Variants in OR52N4 observed in about 807,000 individuals in gnomAD.
OR52N4 encodes the protein olfactory receptor family 52 subfamily N member 4.
In OR52N4, 15 loss-of-function variants were observed where a neutral mutation model predicts 15.0. The ratio of observed to expected loss-of-function variants is 1.00; its 90% confidence interval spans 0.67 to 1.54. The LOEUF (loss-of-function observed/expected upper bound fraction) is 1.54. Ranked by LOEUF, OR52N4 falls within the 40% of genes most tolerant of loss-of-function variation. The pLI, the probability that OR52N4 is intolerant of heterozygous loss-of-function variation, is 0.00. For missense variants in OR52N4, 421 were observed against 394.0 expected, an observed-to-expected ratio of 1.07 and a Z score of -0.58; for synonymous variants, 143 against 143.7, an observed-to-expected ratio of 1.00 and a Z score of 0.03.
At position 5,754,678 on chromosome 11, in the gene OR52N4, T is replaced by A; in HGVS notation, c.-48-15T>A. The A allele has an allele frequency of 6.7e-7, 1 of 1,482,250 alleles. No homozygotes were observed. The highest frequency in any genetic ancestry group is 9.0e-7 in the Non-Finnish European group (1 of 1,107,764). The allele number at this position is 1,482,250 out of a possible 1,614,324, so 91.8% of individuals were successfully genotyped here. On this transcript the variant is annotated splice_polypyrimidine_tract_variant and intron_variant, in intron 1 of 1. Coordinates refer to ENST00000641350, the MANE Select transcript of OR52N4 (RefSeq NM_001005175.5). ...AATAACCTATATTTTCTCTTGTTTT[T>A]TTTTTTAACTCTAGGAAAGCCCAGA...
the OR52N4 span, among the ~76,000 whole-genome samples, chr11:5,746,703 T>C: frequency 6.6e-6 from 1 of 152,092 alleles, no homozygotes; most frequent in Non-Finnish European, 1.5e-5. Flanking sequence ...AGCGGGAATG[T>C]AAATTAGGAA....
chr11:5,745,432 T>C, the OR52N4 span, among the ~76,000 whole-genome samples: 1 of 151,996 alleles, frequency 6.6e-6, no homozygotes, highest in African/African-American at 2.4e-5. Flanking sequence ...AATCAAGAAC[T>C]CAATTTCATT....
the OR52N4 span, among the ~76,000 whole-genome samples, chr11:5,732,736 A>C: frequency 6.6e-6 from 1 of 152,194 alleles, no homozygotes; most frequent in Non-Finnish European, 1.5e-5. Flanking sequence ...TAATTTCCAA[A>C]TAAAATACTA....
the OR52N4 span, among the ~76,000 whole-genome samples, chr11:5,735,281 A>C: frequency 6.6e-6 from 1 of 152,086 alleles, no homozygotes; most frequent in African/African-American, 2.4e-5. Flanking sequence ...AAATACAAAG[A>C]AGTTCAAAGC....
chr11:5,739,521 C>A, the OR52N4 span, among the ~76,000 whole-genome samples: 5 of 105,594 alleles, frequency 4.7e-5, 1 homozygote, highest in Admixed American at 1.9e-4. Flanking sequence ...GTGATCACAC[C>A]ATTGCACTCC....
At chr11:5,754,613 T>C in intron 1 of OR52N4, 80 bp from the exon 2 acceptor site, 1 of 981,566 alleles carries the variant, frequency 1.0e-6, no homozygotes, top group Non-Finnish European at 1.5e-6. Flanking sequence ...TAAAATGCAT[T>C]ATGGAATTTT....
chr11:5,734,897 T>A, the OR52N4 span, among the ~76,000 whole-genome samples: 1 of 152,104 alleles, frequency 6.6e-6, no homozygotes, highest in Non-Finnish European at 1.5e-5. Context: ...ATAATTTTAC[T>A]CTTTATCAAA....
At chr11:5,736,557 C>A in the OR52N4 span, 3 of 1,613,820 alleles carry the variant, frequency 1.9e-6, no homozygotes, top group Non-Finnish European at 2.5e-6. Context: ...TCCAATAGCT[C>A]CAAATTCCAG....
upstream of OR52N4, among the ~76,000 whole-genome samples, chr11:5,750,434 A>G (rs1854165874): frequency 7.8e-6 from 1 of 128,802 alleles, no homozygotes; most frequent in Admixed American, 8.1e-5. Flanking sequence ...CTGAGCTGCT[A>G]TTTACAAAGC....
At chr11:5,728,141 G>A in the OR52N4 span, among the ~76,000 whole-genome samples, 1 of 152,046 alleles carries the variant, frequency 6.6e-6, no homozygotes, top group African/African-American at 2.4e-5. Context: ...AGCCTCTCAG[G>A]AACTAACCTA....
chr11:5,736,292 A>T, the OR52N4 span: 1 of 532,534 alleles, frequency 1.9e-6, no homozygotes, highest in East Asian at 3.2e-5. Flanking sequence ...ATCTCCCATA[A>T]TTCTTCATTT....
chr11:5,732,907 A>C, the OR52N4 span, among the ~76,000 whole-genome samples: 2 of 152,188 alleles, frequency 1.3e-5, no homozygotes, highest in Non-Finnish European at 2.9e-5. Context: ...GTTCTTCTCC[A>C]GTCATCCTTA....
the OR52N4 span, among the ~76,000 whole-genome samples, chr11:5,746,238 G>C: frequency 6.6e-6 from 1 of 152,050 alleles, no homozygotes. Flanking sequence ...TGGAGATTTA[G>C]GCAAAGAATT....
At chr11:5,737,686 A>G in the OR52N4 span, 1 of 475,220 alleles carries the variant, frequency 2.1e-6, no homozygotes, top group South Asian at 5.2e-5. Flanking sequence ...ATATTTAAAT[A>G]TATTTGAGAA....
At chr11:5,737,087 C>A in the OR52N4 span, 1 of 1,614,026 alleles carries the variant, frequency 6.2e-7, no homozygotes, top group Non-Finnish European at 8.5e-7. Context: ...GTGCTCTAAC[C>A]TTGGGGTCAC....
rs141956488 is a variant in OR52N4 at position 5,755,952 on chromosome 11, G to A, written c.*246G>A. 55 of 457,514 alleles carry A rather than the reference G, an allele frequency of 1.2e-4. No homozygotes were observed. The highest frequency in any genetic ancestry group is 8.7e-4 in the African/African-American group (44 of 50,760). 28.3% of individuals were successfully genotyped at this position (457,514 alleles called of 1,614,324 possible). ...CTAATAATTAAACCATATTTTATTC[G>A]ACAAAACCTAATGAGTCCATTTTTT... On this transcript the variant is annotated 3_prime_UTR_variant, in exon 2 of 2. Transcript: ENST00000641350.
rs1405379914 is a variant in OR52N4 at position 5,754,251 on chromosome 11, T to A, written c.-103T>A. On this transcript the variant is annotated 5_prime_UTR_variant, in exon 1 of 2. Transcript: ENST00000641350. ...GTACCCAAGAATAAATATCAGTCAGTCATTAAGAATAAAAATTAAAAAGTC... is the reference window on the plus strand; with the variant it reads ...GTACCCAAGAATAAATATCAGTCAGACATTAAGAATAAAAATTAAAAAGTC... 1 of 153,134 alleles carries A rather than the reference T, an allele frequency of 6.5e-6. No individual in the cohort carries two copies. The highest frequency in any genetic ancestry group is 1.5e-5 in the Non-Finnish European group (1 of 68,904). 9.5% of individuals were successfully genotyped at this position (153,134 alleles called of 1,614,324 possible).
the OR52N4 span, among the ~76,000 whole-genome samples, chr11:5,743,190 T>A: frequency 6.6e-5 from 10 of 151,998 alleles, no homozygotes; most frequent in Admixed American, 6.6e-4. Flanking sequence ...AATGTGACAA[T>A]TCTGAACATA....
the OR52N4 span, among the ~76,000 whole-genome samples, chr11:5,747,168 G>C: frequency 2.6e-5 from 4 of 151,202 alleles, no homozygotes; most frequent in Non-Finnish European, 4.4e-5. Flanking sequence ...TTAGTGGTGA[G>C]AGAGAGGATT....
Sources: allele counts gnomAD v4.1 joint callset (sites outside exome capture counted in the v4.1 genomes callset), GRCh38; gene constraint gnomAD v4.1.1; transcripts MANE v1.5; gene names NCBI Gene and HGNC (gene_info 2026-07-23, HGNC 2026-07-21).